ERC1: variants seen among roughly 807,000 people sequenced by gnomAD.
ERC1 encodes ELKS/RAB6-interacting/CAST family member 1.
A neutral mutation model predicts 132.0 loss-of-function variants in ERC1; 56 were observed. That is an observed-to-expected ratio of 0.42 (90% CI 0.34 to 0.53). The LOEUF (loss-of-function observed/expected upper bound fraction) is 0.53. ERC1 is among the 20% of genes least tolerant of loss of function. The pLI is 0.03. For synonymous variants in ERC1, 478 were observed against 476.1 expected (o/e 1.00, Z -0.05); for missense variants, 1,202 against 1,349.9 (o/e 0.89, Z 1.72).
chr12:1,440,614 G>T (rs1274392946), intron 17 of ERC1, among the ~76,000 whole-genome samples: 1,132 of 61,650 alleles, frequency 0.018, 162 homozygotes, highest in African/African-American at 0.17. Flanking sequence ...GTGTGTGTGT[G>T]TGTGTGTGTG....
intron 1 of ERC1, among the ~76,000 whole-genome samples, chr12:1,005,157 CTTTA>C (rs2154134637): frequency 6.6e-6 from 1 of 152,110 alleles, no homozygotes; most frequent in African/African-American, 2.4e-5. Flanking sequence ...TTAAAGAAAT[CTTTA>C]TTTATTTTCA....
At chr12:1,032,827 A>G (rs976563084) in intron 2 of ERC1, among the ~76,000 whole-genome samples, 14 of 152,212 alleles carry the variant, frequency 9.2e-5, no homozygotes, top group Non-Finnish European at 2.1e-4. Flanking sequence ...CACCAAAAAG[A>G]ATAATTCCTA....
chr12:1,021,186 C>T (rs1337012772), intron 1 of ERC1, among the ~76,000 whole-genome samples: 1 of 152,056 alleles, frequency 6.6e-6, no homozygotes, highest in Non-Finnish European at 1.5e-5. Flanking sequence ...AGTGATCTGC[C>T]TGTCTCAGCC....
intron 14 of ERC1, among the ~76,000 whole-genome samples, chr12:1,282,650 A>G (rs532234252): frequency 2.6e-5 from 4 of 152,340 alleles, no homozygotes; most frequent in African/African-American, 9.6e-5. Flanking sequence ...GGAATTTCCT[A>G]GGAAAGGATG....
intron 17 of ERC1, among the ~76,000 whole-genome samples, chr12:1,442,347 C>T (rs2093179598): frequency 6.6e-6 from 1 of 152,208 alleles, no homozygotes; most frequent in Non-Finnish European, 1.5e-5. Flanking sequence ...CACTGTCTTC[C>T]TTCTGTGACT....
Position 1,144,614 on chromosome 12 carries a change from G to GTATATATA in ERC1, c.1737+2840_1737+2847dup, listed in dbSNP as rs142846830. ...TTTTATGGCTGAGTAGAATTTTGTGGTATATATATATATATATATACGTGT... is the reference window on the plus strand; with the variant it reads ...TTTTATGGCTGAGTAGAATTTTGTGGTATATATATATATATATATATATATATACGTGT... On this transcript the variant is annotated intron_variant, in intron 8 of 18. Transcript: ENST00000360905. 2.6e-4 allele frequency among the ~76,000 whole-genome samples: 35 copies of GTATATATA among 132,292 alleles called. 1 individual carries two copies. The highest frequency in any genetic ancestry group is 9.4e-4 in the African/African-American group (30 of 31,944). The allele number at this position is 132,292 out of a possible 152,430, so 86.8% of individuals were successfully genotyped here.
At chr12:1,483,845 C>T (rs991796987) in intron 18 of ERC1, among the ~76,000 whole-genome samples, 5 of 151,758 alleles carry the variant, frequency 3.3e-5, no homozygotes, top group Non-Finnish European at 7.4e-5. Flanking sequence ...CACTCACCAC[C>T]ACATGTGACC....
chr12:1,267,745 G>C (rs920230842), intron 14 of ERC1, among the ~76,000 whole-genome samples: 2 of 152,184 alleles, frequency 1.3e-5, no homozygotes, highest in Non-Finnish European at 2.9e-5. Context: ...CTGGGCAACA[G>C]AGTGAGACCC....
In ERC1 at chr12:1,141,615, C is replaced by T; in HGVS notation, c.1570-5C>T. On this transcript the variant is annotated splice_region_variant and splice_polypyrimidine_tract_variant and intron_variant, in intron 7 of 18. Transcript: ENST00000360905. Reference sequence around the variant, plus strand: ...TCATCACTTGTAAAACTCCTACATTCTTAGGTGGATGCTCTCCGATTGCGT... The same window carrying T: ...TCATCACTTGTAAAACTCCTACATTTTTAGGTGGATGCTCTCCGATTGCGT... The T allele has an allele frequency of 1.2e-6, 2 of 1,601,440 alleles. No individual in the cohort carries two copies. Among genetic ancestry groups the T allele is most frequent in the Non-Finnish European group, 1.7e-6 (2 of 1,174,336 alleles).
chr12:1,208,720 G>C lies in ERC1; in HGVS notation c.2351+18668G>C, dbSNP rs1036168267. Among the ~76,000 whole-genome samples, 20 of 152,092 alleles carry C rather than the reference G, an allele frequency of 1.3e-4. 1 individual carries two copies. Among genetic ancestry groups the C allele is most frequent in the African/African-American group, 4.8e-4 (20 of 41,396 alleles). On this transcript the variant is annotated intron_variant, in intron 12 of 18. Coordinates refer to ENST00000360905, the MANE Select transcript of ERC1 (RefSeq NM_178040.4). ...GTCTTCTTTTGATTATACTAAGCCT[G>C]TCTTGTATGGGAAATTGATTAATTC...
At chr12:1,029,025 T>A (rs1222175996) in intron 2 of ERC1, among the ~76,000 whole-genome samples, 1 of 152,074 alleles carries the variant, frequency 6.6e-6, no homozygotes, top group Non-Finnish European at 1.5e-5. Context: ...ACAGGATAAG[T>A]CAGTGTTGTC....
At chr12:1,348,963 GT>G (rs2084742832) in intron 15 of ERC1, among the ~76,000 whole-genome samples, 1 of 152,162 alleles carries the variant, frequency 6.6e-6, no homozygotes, top group Non-Finnish European at 1.5e-5. Context: ...TGCTTATACA[GT>G]CCAATCATTT....
At chr12:1,436,700 G>C (rs1011987133) in intron 17 of ERC1, among the ~76,000 whole-genome samples, 1 of 152,220 alleles carries the variant, frequency 6.6e-6, no homozygotes, top group African/African-American at 2.4e-5. Context: ...GGTCAGAAGA[G>C]AGTGTGAGTT....
intron 14 of ERC1, among the ~76,000 whole-genome samples, chr12:1,277,182 T>C (rs953677137): frequency 1.3e-5 from 2 of 152,236 alleles, no homozygotes. Flanking sequence ...GTTGTTGACC[T>C]CTTAGCTAGT....
chr12:1,054,033 C>T (rs1262376419), intron 2 of ERC1, among the ~76,000 whole-genome samples: 1 of 152,054 alleles, frequency 6.6e-6, no homozygotes, highest in African/African-American at 2.4e-5. Context: ...AGCATGCTAC[C>T]TATGTTATTT....
At chr12:991,156 T>A (rs1382798557), upstream of ERC1, 1 of 149,918 alleles carries the variant, frequency 6.7e-6, no homozygotes, top group Non-Finnish European at 1.5e-5. Flanking sequence ...GGAGGCGCGC[T>A]GCGCCCCGCG....
At chr12:1,374,794 G>A (rs911137844) in intron 16 of ERC1, among the ~76,000 whole-genome samples, 1 of 149,930 alleles carries the variant, frequency 6.7e-6, no homozygotes, top group African/African-American at 2.5e-5. Flanking sequence ...ATGTGTTATA[G>A]GCAGGCTGGG....
At chr12:1,191,004 GTAT>G (rs1955671057) in intron 12 of ERC1, among the ~76,000 whole-genome samples, 1 of 151,812 alleles carries the variant, frequency 6.6e-6, no homozygotes, top group African/African-American at 2.4e-5. Flanking sequence ...TCCTCTGAAG[GTAT>G]TATTTTTTCC....
At chr12:1,109,537 A>G (rs943491407) in intron 4 of ERC1, among the ~76,000 whole-genome samples, 3 of 152,200 alleles carry the variant, frequency 2.0e-5, no homozygotes, top group African/African-American at 4.8e-5. Context: ...AGGCTTTACT[A>G]TTAATATTGG....
Sources: gnomAD v4.1 joint callset for allele counts (sites outside exome capture counted in the v4.1 genomes callset) on GRCh38, gnomAD v4.1.1 for gene constraint, MANE v1.5 for transcripts, NCBI Gene and HGNC (gene_info 2026-07-23, HGNC 2026-07-21) for gene names.